MTMR3: variants seen among roughly 807,000 people sequenced by gnomAD.
MTMR3 encodes the protein phosphatidylinositol-3,5-bisphosphate 3-phosphatase MTMR3.
A neutral mutation model predicts 132.4 loss-of-function variants in MTMR3; 32 were observed. That is an observed-to-expected ratio of 0.24 (90% confidence interval 0.18 to 0.32). MTMR3 has a LOEUF of 0.32. MTMR3 is among the 10% of genes least tolerant of loss of function. The probability of loss-of-function intolerance (pLI) is 1.00; values close to 1 mark genes in which losing one functional copy is unlikely to be tolerated. For synonymous variants in MTMR3, 556 were observed against 550.3 expected (o/e 1.01, Z -0.14); for missense variants, 1,216 against 1,489.6 (o/e 0.82, Z 3.02).
At chr22:29,952,910 GT>G (rs1232824301) in intron 1 of MTMR3, among the ~76,000 whole-genome samples, 1 of 152,078 alleles carries the variant, frequency 6.6e-6, no homozygotes, top group African/African-American at 2.4e-5. Flanking sequence ...TATGTGAAAA[GT>G]TAATAGACAT....
intron 7 of MTMR3, chr22:29,995,104 A>G (rs2145915609): frequency 6.6e-6 from 1 of 152,344 alleles, no homozygotes; most frequent in African/African-American, 2.4e-5. Context: ...CTACCTCTCT[A>G]ACCTCTCTCA....
At chr22:29,900,907 G>C (rs896187869) in intron 1 of MTMR3, among the ~76,000 whole-genome samples, 1 of 152,012 alleles carries the variant, frequency 6.6e-6, no homozygotes, top group Non-Finnish European at 1.5e-5. Flanking sequence ...ATAGAGATGG[G>C]GTTTTGCCAC....
chr22:29,954,166 C>G (rs1009020948), intron 1 of MTMR3, among the ~76,000 whole-genome samples: 1 of 148,480 alleles, frequency 6.7e-6, no homozygotes, highest in East Asian at 2.0e-4. Context: ...GCTGCAACCT[C>G]GGACTCCTGG....
rs2067901928 is a variant in MTMR3, at chr22:30,025,860, A to G, written c.*59A>G. On this transcript the variant is annotated 3_prime_UTR_variant, in exon 20 of 20. Coordinates refer to ENST00000401950, the MANE Select transcript of MTMR3 (RefSeq NM_021090.4). Reference sequence around the variant, plus strand: ...GCTGTTCCTATGACAGGCCCACTCAACCTGGGCAGACCGAGAGGCCCGTGC... The same window carrying G: ...GCTGTTCCTATGACAGGCCCACTCAGCCTGGGCAGACCGAGAGGCCCGTGC... 2 of 1,574,150 alleles carry G rather than the reference A, an allele frequency of 1.3e-6. No homozygotes were observed. The highest frequency in any genetic ancestry group is 1.7e-6 in the Non-Finnish European group (2 of 1,146,882).
intron 7 of MTMR3, 86 bp downstream of exon 7, chr22:29,991,756 G>A (rs973924891): frequency 1.6e-5 from 22 of 1,351,702 alleles, no homozygotes; most frequent in African/African-American, 1.3e-4. Flanking sequence ...GGACACCTAA[G>A]CATTCATATA....
intron 2 of MTMR3, among the ~76,000 whole-genome samples, chr22:29,960,456 G>A (rs1014405672): frequency 1.3e-5 from 2 of 152,146 alleles, no homozygotes; most frequent in Non-Finnish European, 2.9e-5. Context: ...CAAAAAAAAT[G>A]CACGTGCATA....
chr22:29,901,929 A>G (rs887741989), intron 1 of MTMR3, among the ~76,000 whole-genome samples: 12 of 152,210 alleles, frequency 7.9e-5, no homozygotes, highest in South Asian at 4.1e-4. Flanking sequence ...GTATGGATGT[A>G]CAACAACTTG....
At chr22:30,025,223 G>C (rs140278573) in intron 19 of MTMR3, 12 of 173,732 alleles carry the variant, frequency 6.9e-5, no homozygotes, top group Admixed American at 6.8e-4. Context: ...TGTTTCTCTC[G>C]TTTGAGGAGC....
At chr22:29,987,022 T>G (rs558450222) in intron 5 of MTMR3, 1 of 152,364 alleles carries the variant, frequency 6.6e-6, no homozygotes, top group South Asian at 2.1e-4. Flanking sequence ...ATTACAGGCG[T>G]GAGCCACCGT....
chr22:29,960,506 A>G (rs1019175855), intron 2 of MTMR3, among the ~76,000 whole-genome samples: 5 of 152,250 alleles, frequency 3.3e-5, no homozygotes, highest in African/African-American at 1.2e-4. Context: ...AAACTGTCCT[A>G]TCCAAATTCT....
chr22:29,915,816 T>A (rs1470084869), intron 1 of MTMR3, among the ~76,000 whole-genome samples: 1 of 152,204 alleles, frequency 6.6e-6, no homozygotes, highest in African/African-American at 2.4e-5. Flanking sequence ...ATTTTGCCAT[T>A]TGTTTTCTAT....
In MTMR3 at chr22:30,020,363, A is replaced by T; in HGVS notation, c.2704A>T (p.Thr902Ser). 1 of 1,614,070 alleles carries T rather than the reference A, an allele frequency of 6.2e-7. No individual in the cohort carries two copies. The highest frequency in any genetic ancestry group is 1.7e-5 in the Admixed American group (1 of 60,018). Reference protein sequence around the residue: ...RPQVGSVVHRTSLGSTLSLTR... With the variant: ...RPQVGSVVHRSSLGSTLSLTR... Reference sequence around the variant, plus strand: ...CCAAGTGGGGTCTGTGGTGCATAGGACTTCCCTTGGCAGCACTCTCAGCCT... The same window carrying T: ...CCAAGTGGGGTCTGTGGTGCATAGGTCTTCCCTTGGCAGCACTCTCAGCCT... The change falls in exon 17 of 20, where the codon ACT (threonine) becomes TCT (serine). Residue 902 changes from threonine to serine, a missense_variant. Thr to Ser is a moderately conservative substitution (Grantham distance 58, BLOSUM62 1). Around this residue, in one of 7 missense-constraint regions of MTMR3, gnomAD observed 852 missense variants for 852.0 expected, o/e 1.00. Coordinates refer to ENST00000401950, the MANE Select transcript of MTMR3 (RefSeq NM_021090.4).
rs954241221 is a variant in MTMR3, at chr22:29,883,196, ATGT to A, written c.-294_-292del. On this transcript the variant is annotated 5_prime_UTR_variant, in exon 1 of 20. Coordinates refer to ENST00000401950, the MANE Select transcript of MTMR3 (RefSeq NM_021090.4). The stretch of plus-strand genomic sequence containing the variant: ...CGCGCTCTGTGTGGCCGCTGCCGCC[ATGT>A]TGTTGTGGTTGTGAGAAGGCGGCGG... 1.3e-5 allele frequency: 2 copies of A among 152,238 alleles called. No homozygotes were observed. The highest frequency in any genetic ancestry group is 2.9e-5 in the Non-Finnish European group (2 of 68,096). 9.4% of individuals were successfully genotyped at this position (152,238 alleles called of 1,614,324 possible). A position where few individuals can be genotyped will look rare whatever the true frequency, so the allele number is the denominator to read the frequency against.
chr22:29,928,694 A>G (rs1026942145), intron 1 of MTMR3, among the ~76,000 whole-genome samples: 3 of 152,036 alleles, frequency 2.0e-5, no homozygotes, highest in Non-Finnish European at 4.4e-5. Context: ...AGTTTTTTTA[A>G]AATAGAGACG....
At chr22:29,932,663 G>A (rs887145310) in intron 1 of MTMR3, among the ~76,000 whole-genome samples, 1 of 152,052 alleles carries the variant, frequency 6.6e-6, no homozygotes, top group Admixed American at 6.6e-5. Flanking sequence ...TAATGAAAAA[G>A]CAAAAGGATA....
intron 1 of MTMR3, among the ~76,000 whole-genome samples, chr22:29,898,671 G>T (rs1425190694): frequency 6.6e-6 from 1 of 152,160 alleles, no homozygotes; most frequent in Non-Finnish European, 1.5e-5. Context: ...CAAAGTGCTG[G>T]TATTATAGGC....
chr22:29,891,598 A>G (rs2064801761), intron 1 of MTMR3, among the ~76,000 whole-genome samples: 1 of 151,690 alleles, frequency 6.6e-6, no homozygotes, highest in Non-Finnish European at 1.5e-5. Context: ...TGCCTGGCTA[A>G]TTTTTGTATT....
intron 1 of MTMR3, among the ~76,000 whole-genome samples, chr22:29,923,143 G>A (rs958775828): frequency 8.6e-5 from 13 of 151,184 alleles, no homozygotes; most frequent in African/African-American, 1.9e-4. Flanking sequence ...CTGGGTTCAC[G>A]CCATTCTCCT....
At chr22:29,978,362 A>C in intron 3 of MTMR3, 80 bp from the exon 4 acceptor site, 1 of 1,017,710 alleles carries the variant, frequency 9.8e-7, no homozygotes. Context: ...CATTGTGATT[A>C]TGCTAGCAGA....
Sources: allele counts gnomAD v4.1 joint callset (sites outside exome capture counted in the v4.1 genomes callset), GRCh38; gene constraint gnomAD v4.1.1; regional missense constraint gnomAD v4.1.1; transcripts MANE v1.5; gene names NCBI Gene and HGNC (gene_info 2026-07-23, HGNC 2026-07-21).